The following CPB2 variants were observed in gnomAD, a reference collection of about 807,000 sequenced individuals.
CPB2 encodes carboxypeptidase B2, also known as carboxypeptidase B-like protein.
CPB2 carries 54 observed loss-of-function variants against 57.0 expected under a neutral mutation model. That is an observed-to-expected ratio of 0.95 (90% CI 0.76 to 1.19). CPB2 has a LOEUF of 1.19. Ranked by LOEUF, CPB2 falls within the 50% of genes most tolerant of loss-of-function variation. The pLI, the probability that CPB2 is intolerant of heterozygous loss-of-function variation, is 0.00. For synonymous variants in CPB2, 189 were observed against 178.1 expected (o/e 1.06, Z -0.49); for missense variants, 426 against 512.0 (o/e 0.83, Z 1.62).
intron 3 of CPB2, among the ~76,000 whole-genome samples, 176 bp from the exon 4 acceptor site, chr13:46,082,725 C>G (rs919374537): frequency 6.6e-6 from 1 of 152,168 alleles, no homozygotes; most frequent in African/African-American, 2.4e-5. Flanking sequence ...GTTGACAAAC[C>G]CTTTCAGTAG....
At chr13:46,101,614 C>A (rs144213718) in intron 1 of CPB2, among the ~76,000 whole-genome samples, 2 of 152,106 alleles carry the variant, frequency 1.3e-5, no homozygotes, top group Non-Finnish European at 1.5e-5. Context: ...CTGAATGATA[C>A]GATTATAGCA....
intron 6 of CPB2, 50 bp downstream of exon 6, chr13:46,073,823 A>C (rs1566405058): frequency 1.6e-6 from 2 of 1,241,888 alleles, no homozygotes; most frequent in East Asian, 2.4e-5. Context: ...GACACAGGTG[A>C]TCTTGGGCAC....
intron 5 of CPB2, among the ~76,000 whole-genome samples, chr13:46,076,903 A>G (rs896655872): frequency 8.5e-5 from 13 of 152,308 alleles, no homozygotes; most frequent in Non-Finnish European, 1.9e-4. Flanking sequence ...CTAAATGCCT[A>G]TCTCTCGCCT....
intron 1 of CPB2, among the ~76,000 whole-genome samples, chr13:46,093,203 G>A (rs1167543091): frequency 2.6e-5 from 4 of 152,272 alleles, no homozygotes; most frequent in South Asian, 2.1e-4. Flanking sequence ...GTGAGCCACC[G>A]CGCCCACCAA....
chr13:46,078,922 G>A (rs1479262869), intron 4 of CPB2, 21 bp from the exon 5 acceptor site: 5 of 1,482,502 alleles, frequency 3.4e-6, no homozygotes, highest in Admixed American at 1.7e-5. Flanking sequence ...GGAAACCAGA[G>A]GTTAGTCACG....
intron 6 of CPB2, among the ~76,000 whole-genome samples, chr13:46,072,183 G>A (rs776161685): frequency 6.6e-6 from 1 of 152,126 alleles, no homozygotes; most frequent in Non-Finnish European, 1.5e-5. Context: ...GTAGTGTAGT[G>A]GATTTCCACT....
At position 46,086,774 on chromosome 13, in the gene CPB2, C is replaced by T. The variant is rs374580183; in HGVS notation, c.150+971G>A. Among the ~76,000 whole-genome samples, 10 of 152,334 alleles carry T rather than the reference C, an allele frequency of 6.6e-5. 1 individual carries two copies. The highest frequency in any genetic ancestry group is 2.4e-4 in the African/African-American group (10 of 41,592). On this transcript the variant is annotated intron_variant, in intron 2 of 10. Coordinates refer to ENST00000181383, the MANE Select transcript of CPB2 (RefSeq NM_001872.5). ...GCTGAGGGGGCCTGCAGGCCAGTGC[C>T]GAGAAGCCCTCAGCCACCCCCTTGG...
rs148411885 is a variant in CPB2, at chr13:46,090,959, C to T, written c.75-3139G>A. Among the ~76,000 whole-genome samples the T allele has an allele frequency of 8.7e-3, 1,320 of 152,102 alleles. 19 individuals are homozygous for T. The highest frequency in any genetic ancestry group is 0.031 in the African/African-American group (1,273 of 41,480). On this transcript the variant is annotated intron_variant, in intron 1 of 10. Transcript: ENST00000181383. ...CAGGCTGGTCTCGAACTCCTGACCT[C>T]GTGATCCTCCTGCCTCAGCCTCCCA... is the stretch of plus-strand genomic sequence containing the variant.
chr13:46,072,792 C>G (rs1031369014), intron 6 of CPB2, among the ~76,000 whole-genome samples: 5 of 152,146 alleles, frequency 3.3e-5, no homozygotes, highest in African/African-American at 1.2e-4. Context: ...AATGTTCTTA[C>G]TCTCCTACTT....
At chr13:46,060,175 AAAG>A (rs1189718004) in intron 8 of CPB2, among the ~76,000 whole-genome samples, 5 of 152,194 alleles carry the variant, frequency 3.3e-5, no homozygotes, top group African/African-American at 1.2e-4. Context: ...AGAAAAATAA[AAAG>A]AAGGCCAGGC....
chr13:46,088,785 G>A (rs1381888934), intron 1 of CPB2, among the ~76,000 whole-genome samples: 30 of 151,718 alleles, frequency 2.0e-4, no homozygotes, highest in Admixed American at 1.9e-3. Context: ...TTTGATTATC[G>A]GCCATTCATA....
chr13:46,064,495 C>A (rs539702194), intron 8 of CPB2, among the ~76,000 whole-genome samples, 153 bp downstream of exon 8: 1 of 152,276 alleles, frequency 6.6e-6, no homozygotes, highest in South Asian at 2.1e-4. Context: ...GGCCAACAGT[C>A]GCAGCATTAC....
At chr13:46,083,829 C>T (rs1043851449) in intron 3 of CPB2, among the ~76,000 whole-genome samples, 4 of 152,158 alleles carry the variant, frequency 2.6e-5, no homozygotes, top group African/African-American at 4.8e-5. Context: ...TGGTCACTGT[C>T]TTTGTGAAGA....
At chr13:46,053,910 A>T in intron 10 of CPB2, 112 bp from the exon 11 acceptor site, 9 of 1,039,324 alleles carry the variant, frequency 8.7e-6, no homozygotes, top group Non-Finnish European at 1.2e-5. Context: ...GATTTTTTTC[A>T]GTTTTTAACT....
Position 46,055,827 on chromosome 13 carries a change from A to C in CPB2, c.1022T>G (p.Val341Gly). The change falls in exon 10 of 11, where the codon GTT becomes GGT. Residue 341 changes from valine to glycine, a missense_variant. Val to Gly is a moderately radical substitution (Grantham distance 109, BLOSUM62 -3). Transcript: ENST00000181383. Reference protein sequence around the residue: ...EELSLVASEAVRAIEKISKNT... With the variant: ...EELSLVASEAGRAIEKISKNT... Reference sequence around the variant, plus strand: ...TTTACTAATTTTCTCAATAGCACGAACTGCTTCACTGGCTACTAGAGACTG... The same window carrying C: ...TTTACTAATTTTCTCAATAGCACGACCTGCTTCACTGGCTACTAGAGACTG... 1 of 1,600,010 alleles carries C rather than the reference A, an allele frequency of 6.2e-7. No homozygotes were observed. The highest frequency in any genetic ancestry group is 8.5e-7 in the Non-Finnish European group (1 of 1,170,380).
At chr13:46,062,558 G>A (rs991837967) in intron 8 of CPB2, among the ~76,000 whole-genome samples, 1 of 152,176 alleles carries the variant, frequency 6.6e-6, no homozygotes, top group Non-Finnish European at 1.5e-5. Context: ...TGGTTTTTTA[G>A]GGAGAAACCA....
At chr13:46,062,025 GTT>G (rs5803326) in intron 8 of CPB2, among the ~76,000 whole-genome samples, 20,132 of 124,534 alleles carry the variant, frequency 0.16, 2,115 homozygotes, top group East Asian at 0.32. Context: ...TTTTTATTTG[GTT>G]TTTTTTTTTT....
At chr13:46,079,067 TAATAA>T (rs1470958233) in intron 4 of CPB2, among the ~76,000 whole-genome samples, 166 bp from the exon 5 acceptor site, 1 of 152,166 alleles carries the variant, frequency 6.6e-6, no homozygotes, top group African/African-American at 2.4e-5. Flanking sequence ...TTAGGGAAAT[TAATAA>T]AATTAAAGTT....
chr13:46,099,430 G>T (rs2045406586), intron 1 of CPB2: 1 of 152,174 alleles, frequency 6.6e-6, no homozygotes, highest in South Asian at 2.1e-4. Context: ...TCCTTTTCAT[G>T]TAAAGTATAG....
Sources: allele counts gnomAD v4.1 joint callset (sites outside exome capture counted in the v4.1 genomes callset), GRCh38; gene constraint gnomAD v4.1.1; transcripts MANE v1.5; gene names NCBI Gene and HGNC (gene_info 2026-07-23, HGNC 2026-07-21).